Variants in NDUFA5 observed in about 807,000 individuals in gnomAD.
NDUFA5 encodes the protein NADH dehydrogenase [ubiquinone] 1 alpha subcomplex subunit 5.
A neutral mutation model predicts 19.8 loss-of-function variants in NDUFA5; 11 were observed. The observed-to-expected ratio is 0.56, with a 90% CI of 0.35 to 0.92. The LOEUF (loss-of-function observed/expected upper bound fraction) is 0.92, where lower values mean the gene tolerates loss of function less well. Ranked by LOEUF, NDUFA5 falls within the 40% of genes least tolerant of loss-of-function variation. NDUFA5 has a pLI of 0.01. For missense variants in NDUFA5, 109 were observed against 134.2 expected (o/e 0.81, Z 0.93); for synonymous variants, 47 against 46.8 (o/e 1.00, Z -0.01).
the NDUFA5 span, among the ~76,000 whole-genome samples, chr7:123,591,401 G>T: frequency 1.3e-5 from 2 of 152,148 alleles, no homozygotes; most frequent in East Asian, 3.9e-4. Flanking sequence ...AATGCTTCCA[G>T]TTTTTGCCCA....
the NDUFA5 span, among the ~76,000 whole-genome samples, chr7:123,590,643 T>G: frequency 1.3e-5 from 2 of 152,148 alleles, no homozygotes; most frequent in Non-Finnish European, 2.9e-5. Flanking sequence ...ATGTGTGGTG[T>G]TATTTCTGAG....
chr7:123,576,627 C>T, the NDUFA5 span, among the ~76,000 whole-genome samples: 2 of 152,142 alleles, frequency 1.3e-5, no homozygotes. Flanking sequence ...TCCTCGGCTT[C>T]TCTGAGCCAA....
At chr7:123,592,499 G>T in the NDUFA5 span, among the ~76,000 whole-genome samples, 1 of 152,094 alleles carries the variant, frequency 6.6e-6, no homozygotes, top group African/African-American at 2.4e-5. Flanking sequence ...TGTTCTCATT[G>T]ATTTCAAAGA....
In NDUFA5 at chr7:123,537,709, T is replaced by G. The variant is rs1797793423; in HGVS notation, c.*4410A>C. On this transcript the variant is annotated 3_prime_UTR_variant, in exon 5 of 5. Transcript: ENST00000355749. The stretch of plus-strand genomic sequence containing the variant: ...GTTGCCAAATGAGTTATGAAAAAAC[T>G]TTGTTTTCAGAGATTTTTGAAATTA... The G allele has an allele frequency of 6.6e-6, 1 of 152,084 alleles. No homozygotes were observed. The allele number at this position is 152,084 out of a possible 1,614,324, so 9.4% of individuals were successfully genotyped here.
At chr7:123,589,939 G>A in the NDUFA5 span, among the ~76,000 whole-genome samples, 1 of 152,286 alleles carries the variant, frequency 6.6e-6, no homozygotes, top group Admixed American at 6.5e-5. Context: ...CCCACCAACA[G>A]TGTAAAAGCG....
chr7:123,600,788 TA>T, the NDUFA5 span, among the ~76,000 whole-genome samples: 7 of 152,148 alleles, frequency 4.6e-5, no homozygotes, highest in African/African-American at 1.7e-4. Context: ...ATTTTTGAAA[TA>T]AAACTGGCAA....
At chr7:123,554,932 T>A (rs1441196664) in intron 2 of NDUFA5, 1 of 152,326 alleles carries the variant, frequency 6.6e-6, no homozygotes, top group African/African-American at 2.4e-5. Flanking sequence ...TCCACCCGCC[T>A]CAGCCTCCCA....
At chr7:123,594,858 G>T in the NDUFA5 span, among the ~76,000 whole-genome samples, 1 of 152,234 alleles carries the variant, frequency 6.6e-6, no homozygotes, top group Non-Finnish European at 1.5e-5. Context: ...GAAGCTGTCT[G>T]CTGCCTTTTG....
At chr7:123,574,192 C>A in the NDUFA5 span, among the ~76,000 whole-genome samples, 1 of 151,544 alleles carries the variant, frequency 6.6e-6, no homozygotes, top group Non-Finnish European at 1.5e-5. Context: ...CACCAGGTTC[C>A]ATCTCCTTTT....
At chr7:123,580,899 G>T in the NDUFA5 span, among the ~76,000 whole-genome samples, 1 of 152,090 alleles carries the variant, frequency 6.6e-6, no homozygotes, top group East Asian at 1.9e-4. Flanking sequence ...AGACCGTTCG[G>T]TTAAGTCTAT....
chr7:123,545,866 G>GA (rs1366896007), intron 3 of NDUFA5, 190 bp from the exon 4 acceptor site: 8 of 498,772 alleles, frequency 1.6e-5, no homozygotes, highest in Non-Finnish European at 2.8e-5. Flanking sequence ...TCTTAATATT[G>GA]AAAAGTGCTA....
the NDUFA5 span, among the ~76,000 whole-genome samples, chr7:123,583,343 T>C: frequency 2.8e-4 from 42 of 152,056 alleles, no homozygotes; most frequent in Non-Finnish European, 4.0e-4. Context: ...GGAGATATCA[T>C]GGGAAGTGGG....
Position 123,557,406 on chromosome 7 carries a change from C to T in NDUFA5, c.64G>A (p.Glu22Lys), listed in dbSNP as rs746301675. ...GAAGAAAGAACAAAGGTACATACCT[C>T]GTGAGGAGTATTGCACACAGCCAAT... ...VGLAVCNTPH[E>K]RLRILYTKIL... The change falls in exon 2 of 5, where the codon GAG becomes AAG. Residue 22 changes from glutamate to lysine, a missense_variant and splice_region_variant. Glu to Lys is a moderately conservative substitution (Grantham distance 56, BLOSUM62 1). Coordinates refer to ENST00000355749, the MANE Select transcript of NDUFA5 (RefSeq NM_005000.5). The T allele has an allele frequency of 3.1e-5, 50 of 1,613,470 alleles. No individual in the cohort carries two copies. Among genetic ancestry groups the T allele is most frequent in the Non-Finnish European group, 4.2e-5 (50 of 1,179,808 alleles).
At chr7:123,554,594 A>G (rs1452534514) in intron 2 of NDUFA5, 7 of 152,144 alleles carry the variant, frequency 4.6e-5, no homozygotes, top group Admixed American at 4.6e-4. Flanking sequence ...CAGTACAGTA[A>G]GATATTTTGA....
At chr7:123,557,920 C>T (rs1011260591), upstream of NDUFA5, 1 of 1,520,436 alleles carries the variant, frequency 6.6e-7, no homozygotes, top group African/African-American at 1.4e-5. Context: ...TCAGGATCGC[C>T]AAAGGAGCAA....
chr7:123,588,383 T>C, the NDUFA5 span, among the ~76,000 whole-genome samples: 2 of 151,672 alleles, frequency 1.3e-5, no homozygotes, highest in African/African-American at 4.8e-5. Flanking sequence ...ATTTTATTCA[T>C]TTCATTTGAA....
intron 2 of NDUFA5, chr7:123,556,860 G>C (rs775742925): frequency 3.9e-6 from 2 of 512,646 alleles, no homozygotes; most frequent in East Asian, 5.5e-5. Context: ...GGGTGAATAA[G>C]AAAGAAATTG....
chr7:123,572,308 A>G, the NDUFA5 span, among the ~76,000 whole-genome samples: 6 of 150,722 alleles, frequency 4.0e-5, no homozygotes, highest in African/African-American at 1.2e-4. Flanking sequence ...TGCCCGCTTA[A>G]TTTTTGTATT....
chr7:123,562,416 T>G (rs1006912504), upstream of NDUFA5, among the ~76,000 whole-genome samples: 15 of 152,192 alleles, frequency 9.9e-5, no homozygotes, highest in African/African-American at 3.1e-4. Context: ...ATAGCATCTT[T>G]TTCCCATAGA....
Sources: gnomAD v4.1 joint callset for allele counts (sites outside exome capture counted in the v4.1 genomes callset) on GRCh38, gnomAD v4.1.1 for gene constraint, MANE v1.5 for transcripts, NCBI Gene and HGNC (gene_info 2026-07-23, HGNC 2026-07-21) for gene names.